Variants in PDE1C observed in about 807,000 individuals in gnomAD.
The protein encoded by PDE1C is phosphodiesterase 1C.
A neutral mutation model predicts 93.1 loss-of-function variants in PDE1C; 62 were observed. The observed-to-expected ratio is 0.67, with a 90% CI of 0.54 to 0.82. PDE1C has a LOEUF of 0.82. PDE1C is among the 40% of genes least tolerant of loss of function. The pLI is 0.00. For synonymous variants in PDE1C, 325 were observed against 310.1 expected (o/e 1.05, Z -0.50); for missense variants, 742 against 884.6 (o/e 0.84, Z 2.04).
intron 1 of PDE1C, among the ~76,000 whole-genome samples, chr7:32,069,512 T>C (rs915477248): frequency 1.3e-5 from 2 of 152,126 alleles, no homozygotes; most frequent in African/African-American, 4.8e-5. Context: ...TATACAGCTA[T>C]CCCTCAAGCT....
intron 1 of PDE1C, among the ~76,000 whole-genome samples, chr7:32,297,591 T>C (rs1187191426): frequency 1.3e-5 from 2 of 152,062 alleles, no homozygotes; most frequent in Non-Finnish European, 2.9e-5. Context: ...GGTAGAAGTA[T>C]CAAGCACCCA....
At chr7:31,792,363 A>T (rs568849741) in intron 16 of PDE1C, among the ~76,000 whole-genome samples, 3 of 152,208 alleles carry the variant, frequency 2.0e-5, no homozygotes, top group Admixed American at 2.0e-4. Context: ...TTTAATGAAA[A>T]AGAAGAGAAT....
chr7:32,322,208 G>A (rs1783307123), intron 1 of PDE1C, among the ~76,000 whole-genome samples: 1 of 152,188 alleles, frequency 6.6e-6, no homozygotes, highest in African/African-American at 2.4e-5. Context: ...ACAAGAATTT[G>A]AACACAGATA....
At chr7:31,628,324 G>T in the PDE1C span, among the ~76,000 whole-genome samples, 2 of 152,024 alleles carry the variant, frequency 1.3e-5, no homozygotes, top group African/African-American at 4.8e-5. Flanking sequence ...GGCAAGGAAG[G>T]ACAAATAGAG....
the PDE1C span, chr7:31,642,904 G>C: frequency 6.2e-7 from 1 of 1,614,002 alleles, no homozygotes; most frequent in African/African-American, 1.3e-5. Flanking sequence ...TGAGGCCATG[G>C]AGGGGCCACC....
At chr7:31,998,306 A>T (rs558658434) in intron 2 of PDE1C, among the ~76,000 whole-genome samples, 1 of 152,302 alleles carries the variant, frequency 6.6e-6, no homozygotes, top group South Asian at 2.1e-4. Flanking sequence ...AGTGTGAGCC[A>T]CCACACCCAG....
In PDE1C at chr7:31,768,291, C is replaced by T. The variant is rs149116592; in HGVS notation, c.1960+7373G>A. Among the ~76,000 whole-genome samples the T allele has an allele frequency of 9.5e-4, 144 of 152,240 alleles. 1 individual carries two copies. The highest frequency in any genetic ancestry group is 3.3e-3 in the African/African-American group (138 of 41,542). On this transcript the variant is annotated intron_variant, in intron 17 of 17. Transcript: ENST00000396191. ...TGCTAAGAAGGCCAGTGAGTCGGGC[C>T]AGGCTGCGGTTGCCACTGTTTACAG...
intron 1 of PDE1C, among the ~76,000 whole-genome samples, chr7:32,268,075 G>A (rs1341263496): frequency 6.6e-6 from 1 of 152,208 alleles, no homozygotes; most frequent in Middle Eastern, 3.2e-3. Context: ...TTACCCACCA[G>A]CCATGCGGGT....
At chr7:32,348,976 G>C (rs1228611276) in intron 1 of PDE1C, among the ~76,000 whole-genome samples, 1 of 152,170 alleles carries the variant, frequency 6.6e-6, no homozygotes, top group East Asian at 1.9e-4. Context: ...TAAAGCTTTG[G>C]ATAAGACTGC....
At chr7:31,695,669 A>C in the PDE1C span, 1 of 1,556,002 alleles carries the variant, frequency 6.4e-7, no homozygotes, top group African/African-American at 1.4e-5. Flanking sequence ...GCCACTTGCC[A>C]CTAGGTTGCA....
chr7:32,061,372 G>A (rs576759415), intron 1 of PDE1C, among the ~76,000 whole-genome samples: 1 of 152,386 alleles, frequency 6.6e-6, no homozygotes, highest in South Asian at 2.1e-4. Context: ...AGGTGGTACA[G>A]TGAGTGAGCG....
chr7:31,776,736 G>T (rs553832484), intron 16 of PDE1C, among the ~76,000 whole-genome samples: 9 of 152,042 alleles, frequency 5.9e-5, no homozygotes, highest in East Asian at 3.9e-4. Context: ...GAAGGAAGAG[G>T]CCTGGAAGCC....
chr7:31,820,463 A>AT (rs1788821401), intron 14 of PDE1C: 1 of 152,136 alleles, frequency 6.6e-6, no homozygotes, highest in African/African-American at 2.4e-5. Flanking sequence ...GGCAATAGTG[A>AT]TTTTTAACTC....
chr7:32,228,056 C>T (rs1381938576), intron 1 of PDE1C, among the ~76,000 whole-genome samples: 2 of 152,234 alleles, frequency 1.3e-5, no homozygotes, highest in Non-Finnish European at 2.9e-5. Flanking sequence ...AGCCACGCTG[C>T]TCCCAGATTC....
chr7:32,083,116 A>G (rs1001226066), intron 3 of PDE1C, among the ~76,000 whole-genome samples: 1 of 152,008 alleles, frequency 6.6e-6, no homozygotes, highest in African/African-American at 2.4e-5. Context: ...AAAAATTTAG[A>G]CGAATGTATA....
chr7:31,656,629 A>G, the PDE1C span: 1 of 334,608 alleles, frequency 3.0e-6, no homozygotes, highest in Non-Finnish European at 4.3e-6. Flanking sequence ...CAATGAAGAG[A>G]ATGAACTGAC....
chr7:31,930,848 C>CAAAAAAAAAAAAAAAAAA lies in PDE1C; in HGVS notation c.129-50006_129-49989dup, dbSNP rs56394903. Among the ~76,000 whole-genome samples, 10 of 32,642 alleles carry CAAAAAAAAAAAAAAAAAA rather than the reference C, an allele frequency of 3.1e-4. 1 individual carries two copies. The highest frequency in any genetic ancestry group is 1.5e-3 in the African/African-American group (9 of 5,882). The allele number at this position is 32,642 out of a possible 152,430, so 21.4% of individuals were successfully genotyped here. ...TGGGCAACAGAGCAAGACTCTGTCT[C>CAAAAAAAAAAAAAAAAAA]AAAAAAAAAAAAAAAAAAAAAAAAA... is the stretch of plus-strand genomic sequence containing the variant. On this transcript the variant is annotated intron_variant, in intron 2 of 17. Transcript: ENST00000396191.
At chr7:31,943,425 TA>T (rs1163314285) in intron 2 of PDE1C, among the ~76,000 whole-genome samples, 1 of 152,182 alleles carries the variant, frequency 6.6e-6, no homozygotes, top group African/African-American at 2.4e-5. Context: ...TTTTGTTCAA[TA>T]AAAAGATATC....
At chr7:32,055,773 C>T (rs562969378) in intron 1 of PDE1C, among the ~76,000 whole-genome samples, 2 of 152,214 alleles carry the variant, frequency 1.3e-5, no homozygotes, top group South Asian at 2.1e-4. Flanking sequence ...CAGGCTGGAG[C>T]GCAGTGGCGC....
Sources: gnomAD v4.1 joint callset for allele counts (sites outside exome capture counted in the v4.1 genomes callset) on GRCh38, gnomAD v4.1.1 for gene constraint, MANE v1.5 for transcripts, NCBI Gene and HGNC (gene_info 2026-07-23, HGNC 2026-07-21) for gene names.